IAPP: variants seen among roughly 807,000 people sequenced by gnomAD.
The protein encoded by IAPP is islet amyloid polypeptide.
A neutral mutation model predicts 2.9 loss-of-function variants in IAPP; 4 were observed. That is an observed-to-expected ratio of 1.39 (90% CI 0.69 to 3.19). IAPP has a LOEUF of 3.19. Ranked by LOEUF, IAPP falls within the 30% of genes most tolerant of loss-of-function variation. IAPP has a pLI of 0.01. For missense variants in IAPP, 114 were observed against 105.3 expected, an observed-to-expected ratio of 1.08 and a Z score of -0.36; for synonymous variants, 40 against 42.1, an observed-to-expected ratio of 0.95 and a Z score of 0.19.
At chr12:21,360,355 A>C (rs1263209123) in intron 1 of IAPP, among the ~76,000 whole-genome samples, 2 of 152,230 alleles carry the variant, frequency 1.3e-5, no homozygotes, top group Non-Finnish European at 2.9e-5. Flanking sequence ...CACCAATATA[A>C]AAATAAATAA....
intron 2 of IAPP, among the ~76,000 whole-genome samples, chr12:21,374,928 C>T (rs1591896943): frequency 6.6e-6 from 1 of 152,178 alleles, no homozygotes; most frequent in East Asian, 1.9e-4. Flanking sequence ...ATCCTCCCAC[C>T]TCAGCCTCCC....
rs182486959 is a variant in IAPP at position 21,362,010 on chromosome 12, G to A, written c.-16+6997G>A. Reference sequence around the variant, plus strand: ...CGGAGAACTTCCCCAACCTAGCGGGGAAGGCCAACATTCAAATTCAGAAAA... The same window carrying A: ...CGGAGAACTTCCCCAACCTAGCGGGAAAGGCCAACATTCAAATTCAGAAAA... On this transcript the variant is annotated intron_variant, in intron 1 of 2. Coordinates refer to the IAPP transcript ENST00000539393. 1.1e-4 allele frequency among the ~76,000 whole-genome samples: 16 copies of A among 152,264 alleles called. No homozygotes were observed. In the East Asian group the frequency reaches 1.7e-3, roughly 17 times the overall value.
At chr12:21,375,113 C>A (rs1591897085) in intron 2 of IAPP, among the ~76,000 whole-genome samples, 1 of 152,154 alleles carries the variant, frequency 6.6e-6, no homozygotes, top group South Asian at 2.1e-4. Flanking sequence ...CCACTGAACC[C>A]AGACCATTAT....
intron 1 of IAPP, among the ~76,000 whole-genome samples, chr12:21,365,308 A>G (rs1939285829): frequency 6.6e-6 from 1 of 152,232 alleles, no homozygotes. Flanking sequence ...AGGATTCCCT[A>G]TTTAATAAAC....
At chr12:21,373,793 C>T (rs1338662401) in intron 2 of IAPP, 3 of 655,620 alleles carry the variant, frequency 4.6e-6, no homozygotes, top group Middle Eastern at 2.4e-4. Context: ...TTAACTAAAG[C>T]ATATATTTTT....
At chr12:21,373,748 T>C in intron 2 of IAPP, 1 of 696,154 alleles carries the variant, frequency 1.4e-6, no homozygotes, top group Non-Finnish European at 2.6e-6. Flanking sequence ...TAATTTCTTC[T>C]ATATTAACCT....
Position 21,378,470 on chromosome 12 carries a change from T to C in IAPP, c.*44T>C, listed in dbSNP as rs1268761040. The C allele has an allele frequency of 4.0e-6, 6 of 1,503,074 alleles. No individual in the cohort carries two copies. Among genetic ancestry groups the C allele is most frequent in the Non-Finnish European group, 5.6e-6 (6 of 1,079,136 alleles). The allele number at this position is 1,503,074 out of a possible 1,614,324, so 93.1% of individuals were successfully genotyped here. A position where few individuals can be genotyped will look rare whatever the true frequency, so the allele number is the denominator to read the frequency against. ...AGTTATTGTTTTATGTTCTAGTGAT[T>C]TCCTGTATAATTTAACAGTGCCCTT... On this transcript the variant is annotated 3_prime_UTR_variant, in exon 3 of 3. Coordinates refer to ENST00000240652, the MANE Select transcript of IAPP (RefSeq NM_000415.3).
chr12:21,356,095 A>C (rs1938341931), intron 1 of IAPP, among the ~76,000 whole-genome samples: 1 of 152,136 alleles, frequency 6.6e-6, no homozygotes, highest in South Asian at 2.1e-4. Context: ...TTCAAGAATC[A>C]GAATAAATTT....
At chr12:21,360,286 A>G (rs1938728502) in intron 1 of IAPP, among the ~76,000 whole-genome samples, 1 of 152,252 alleles carries the variant, frequency 6.6e-6, no homozygotes, top group Admixed American at 6.5e-5. Flanking sequence ...CAAATTATAC[A>G]TTTTAAATAT....
intron 2 of IAPP, among the ~76,000 whole-genome samples, chr12:21,374,213 G>A (rs1940019794): frequency 1.3e-5 from 2 of 152,252 alleles, no homozygotes; most frequent in South Asian, 4.1e-4. Context: ...AACTCTTAGA[G>A]TAGTTAAAAT....
chr12:21,358,480 G>C (rs1431749547), intron 1 of IAPP, among the ~76,000 whole-genome samples: 2 of 152,128 alleles, frequency 1.3e-5, no homozygotes, highest in Non-Finnish European at 2.9e-5. Context: ...AAAATGCCTA[G>C]AGAAATGTCA....
upstream of IAPP, among the ~76,000 whole-genome samples, chr12:21,371,551 G>A (rs1483034528): frequency 6.6e-6 from 1 of 152,100 alleles, no homozygotes; most frequent in Non-Finnish European, 1.5e-5. Flanking sequence ...CTTTTAAGAA[G>A]TATATGAAAT....
At chr12:21,365,808 T>G (rs1467483520) in intron 1 of IAPP, among the ~76,000 whole-genome samples, 1 of 152,216 alleles carries the variant, frequency 6.6e-6, no homozygotes, top group Non-Finnish European at 1.5e-5. Flanking sequence ...ATGCTCATCA[T>G]CACTGGCCAT....
intron 2 of IAPP, 98 bp from the exon 3 acceptor site, chr12:21,378,139 T>C: frequency 9.0e-7 from 1 of 1,110,734 alleles, no homozygotes; most frequent in Non-Finnish European, 1.3e-6. Flanking sequence ...GAAAATTGTT[T>C]CTTTGGTTTT....
intron 1 of IAPP, among the ~76,000 whole-genome samples, chr12:21,358,625 TC>T (rs1391631478): frequency 6.6e-6 from 1 of 152,146 alleles, no homozygotes; most frequent in Non-Finnish European, 1.5e-5. Context: ...TTAATACTTT[TC>T]AATTTTTAGT....
At chr12:21,373,072 A>G (rs1939917642) in intron 1 of IAPP, 68 bp downstream of exon 1, 1 of 408,904 alleles carries the variant, frequency 2.4e-6, no homozygotes, top group South Asian at 3.3e-5. Context: ...TGTTAAATTC[A>G]TGGTTTATTT....
chr12:21,363,252 C>T (rs1467357033), intron 1 of IAPP, among the ~76,000 whole-genome samples: 8 of 152,148 alleles, frequency 5.3e-5, no homozygotes, highest in Non-Finnish European at 7.4e-5. Flanking sequence ...CACTCAAAAC[C>T]GCTCAACTAC....
intron 2 of IAPP, among the ~76,000 whole-genome samples, chr12:21,375,497 ATT>A (rs1388523423): frequency 6.6e-6 from 1 of 152,212 alleles, no homozygotes; most frequent in African/African-American, 2.4e-5. Context: ...CTCATTTGAG[ATT>A]TTTTCAATTT....
intron 1 of IAPP, among the ~76,000 whole-genome samples, chr12:21,357,266 G>A (rs566399723): frequency 1.3e-5 from 2 of 152,268 alleles, no homozygotes; most frequent in East Asian, 3.9e-4. Flanking sequence ...ACTGGTGGAC[G>A]TATAAAAAGG....
Sources: allele counts gnomAD v4.1 joint callset (sites outside exome capture counted in the v4.1 genomes callset), GRCh38; gene constraint gnomAD v4.1.1; transcripts MANE v1.5; gene names NCBI Gene and HGNC (gene_info 2026-07-23, HGNC 2026-07-21).